The following CLASP2 variants were observed in gnomAD, a reference collection of about 807,000 sequenced individuals.
CLASP2 encodes CLIP-associating protein 2.
A neutral mutation model predicts 194.4 loss-of-function variants in CLASP2; 47 were observed. That is an observed-to-expected ratio of 0.24 (90% confidence interval 0.19 to 0.31). The LOEUF is 0.31. Among genes scored for constraint, CLASP2 ranks in the 10% least tolerant of loss-of-function variants. CLASP2 has a pLI of 1.00. For synonymous variants in CLASP2, 619 were observed against 633.5 expected (o/e 0.98, Z 0.34); for missense variants, 1,445 against 1,823.6 (o/e 0.79, Z 3.78).
chr3:33,643,270 T>C (rs570420317), intron 8 of CLASP2, among the ~76,000 whole-genome samples: 50 of 152,020 alleles, frequency 3.3e-4, no homozygotes, highest in African/African-American at 1.1e-3. Context: ...TATTCATCCA[T>C]TTTAAGCTAA....
At chr3:33,712,523 A>T (rs1299768880) in intron 1 of CLASP2, among the ~76,000 whole-genome samples, 1 of 152,148 alleles carries the variant, frequency 6.6e-6, no homozygotes, top group East Asian at 1.9e-4. Flanking sequence ...TTTTTTTTAA[A>T]AAAAGAATGG....
intron 7 of CLASP2, chr3:33,645,245 C>T (rs1331158980): frequency 1.3e-6 from 1 of 765,058 alleles, no homozygotes; most frequent in Non-Finnish European, 2.4e-6. Flanking sequence ...TCTAGCACGC[C>T]CTGCCTTATT....
chr3:33,636,632 C>T (rs547063783), intron 8 of CLASP2, among the ~76,000 whole-genome samples: 9 of 152,240 alleles, frequency 5.9e-5, no homozygotes, highest in African/African-American at 1.9e-4. Context: ...GACAGAGTTT[C>T]GCTCTCTTGC....
At chr3:33,558,955 C>CATTA in intron 29 of CLASP2, 1 of 331,186 alleles carries the variant, frequency 3.0e-6, no homozygotes, top group East Asian at 8.0e-5. Context: ...CGTGTATCAC[C>CATTA]ATTAAGTTTC....
At chr3:33,588,616 T>A in intron 21 of CLASP2, 1 of 677,480 alleles carries the variant, frequency 1.5e-6, no homozygotes, top group Non-Finnish European at 2.7e-6. Context: ...ACTATGACGT[T>A]AAGAATTTCT....
intron 8 of CLASP2, among the ~76,000 whole-genome samples, chr3:33,639,043 C>T (rs2080777586): frequency 6.6e-6 from 1 of 152,238 alleles, no homozygotes; most frequent in South Asian, 2.1e-4. Context: ...AGTTTAAAAC[C>T]ATGAATTAAA....
chr3:33,573,444 G>T, intron 24 of CLASP2, 90 bp from the exon 25 acceptor site: 1 of 1,346,656 alleles, frequency 7.4e-7, no homozygotes. Flanking sequence ...ATTGATTTTT[G>T]TTTTAAAATC....
intron 27 of CLASP2, among the ~76,000 whole-genome samples, chr3:33,564,174 T>G (rs964219270): frequency 6.6e-6 from 1 of 152,180 alleles, no homozygotes; most frequent in Non-Finnish European, 1.5e-5. Flanking sequence ...TGTCACCAAT[T>G]AGAACTAGAA....
chr3:33,608,743 T>C (rs1216227773), intron 13 of CLASP2, 117 bp from the exon 14 acceptor site: 2 of 310,954 alleles, frequency 6.4e-6, no homozygotes, highest in East Asian at 8.6e-5. Flanking sequence ...TTTTTAGATA[T>C]CTTTTTTTTT....
chr3:33,577,400 A>T, intron 23 of CLASP2: 2 of 616,422 alleles, frequency 3.2e-6, no homozygotes, highest in Non-Finnish European at 5.5e-6. Context: ...ATTGCCAAAT[A>T]GGGCAATGGA....
chr3:33,708,471 GGTGTGTGT>G (rs1016631656), intron 1 of CLASP2, among the ~76,000 whole-genome samples: 2 of 91,090 alleles, frequency 2.2e-5, no homozygotes, highest in Non-Finnish European at 4.4e-5. Context: ...TGTGTGTGTG[GGTGTGTGT>G]GTGTGTGTAT....
chr3:33,532,908 A>G (rs1174610677), intron 34 of CLASP2, among the ~76,000 whole-genome samples: 1 of 152,190 alleles, frequency 6.6e-6, no homozygotes, highest in Admixed American at 6.5e-5. Flanking sequence ...ATGTCTTTGT[A>G]GAAAATAAAT....
chr3:33,694,977 G>C (rs1254238911), intron 2 of CLASP2, among the ~76,000 whole-genome samples: 2 of 150,456 alleles, frequency 1.3e-5, no homozygotes, highest in African/African-American at 4.9e-5. Flanking sequence ...AGAAAATAAA[G>C]AGACAGACAG....
At chr3:33,702,593 A>G (rs998554793) in intron 1 of CLASP2, among the ~76,000 whole-genome samples, 1 of 152,204 alleles carries the variant, frequency 6.6e-6, no homozygotes, top group Non-Finnish European at 1.5e-5. Context: ...AAACAAAAAA[A>G]GAATTAGAGT....
rs1254574320 is a variant in CLASP2, at chr3:33,710,326, T to C, written c.195+7482A>G. On this transcript the variant is annotated intron_variant, in intron 1 of 38. Transcript: ENST00000682230. ...AGAAAACCTTTTAAAAATCCACAAA[T>C]TGGATAAAAAATGTTTTTAATTATT... is the stretch of plus-strand genomic sequence containing the variant. Among the ~76,000 whole-genome samples the C allele has an allele frequency of 3.3e-5, 5 of 152,280 alleles. No individual in the cohort carries two copies. The East Asian group carries it at 9.6e-4, about 29-fold the overall frequency.
chr3:33,565,089 T>G (rs1264270055), intron 27 of CLASP2, among the ~76,000 whole-genome samples: 5 of 152,154 alleles, frequency 3.3e-5, no homozygotes, highest in Admixed American at 3.3e-4. Context: ...CTACTCAAGG[T>G]GAAGATGACA....
rs578242763 is a variant in CLASP2 at position 33,559,071 on chromosome 3, A to G, written c.3009+236T>C. On this transcript the variant is annotated intron_variant, in intron 29 of 38. Coordinates refer to ENST00000682230, the MANE Select transcript of CLASP2 (RefSeq NM_001365631.1). Reference sequence around the variant, plus strand: ...TTAGTAGTTGAATACAGATGCAAACACTGCAGAGAGTTAAGAAAAGAAATA... The same window carrying G: ...TTAGTAGTTGAATACAGATGCAAACGCTGCAGAGAGTTAAGAAAAGAAATA... 107 of 602,920 alleles carry G rather than the reference A, an allele frequency of 1.8e-4. 1 individual carries two copies. In the East Asian group the frequency reaches 3.4e-3, roughly 19 times the overall value. The allele number at this position is 602,920 out of a possible 1,614,324, so 37.3% of individuals were successfully genotyped here.
intron 36 of CLASP2, among the ~76,000 whole-genome samples, chr3:33,511,291 C>A (rs545736874): frequency 6.6e-6 from 1 of 152,048 alleles, no homozygotes; most frequent in Non-Finnish European, 1.5e-5. Context: ...CCTCCTGCCT[C>A]GGCCTCACAA....
chr3:33,639,277 C>T (rs940178375), intron 8 of CLASP2, among the ~76,000 whole-genome samples: 3 of 152,020 alleles, frequency 2.0e-5, no homozygotes, highest in Non-Finnish European at 2.9e-5. Flanking sequence ...AGGCTGGTTT[C>T]GAACTCCTGG....
Sources: gnomAD v4.1 joint callset for allele counts (sites outside exome capture counted in the v4.1 genomes callset) on GRCh38, gnomAD v4.1.1 for gene constraint, MANE v1.5 for transcripts, NCBI Gene and HGNC (gene_info 2026-07-23, HGNC 2026-07-21) for gene names.